IGF2BP2: variants seen among roughly 807,000 people sequenced by gnomAD.
IGF2BP2 encodes the protein insulin-like growth factor 2 mRNA-binding protein 2.
Under a neutral mutation model 75.8 loss-of-function variants are expected in IGF2BP2, and 17 were observed. The ratio of observed to expected loss-of-function variants is 0.22; its 90% confidence interval spans 0.15 to 0.34. IGF2BP2 has a LOEUF of 0.34. IGF2BP2 is among the 10% of genes least tolerant of loss of function. The pLI is 1.00. For missense variants in IGF2BP2, 516 were observed against 772.4 expected (o/e 0.67, Z 3.93); for synonymous variants, 288 against 295.6 (o/e 0.97, Z 0.26).
In IGF2BP2 at chr3:185,643,811, CTGTT is replaced by C. The variant is rs1002554857; in HGVS notation, c.*1716_*1719del. ...TTTTTTTTTTTTTTGTCACAGAACA[CTGTT>C]TGCAGTAGAGGAAACTGGCATTGCA... On this transcript the variant is annotated 3_prime_UTR_variant, in exon 16 of 16. Coordinates refer to ENST00000382199, the MANE Select transcript of IGF2BP2 (RefSeq NM_006548.6). 3.3e-5 allele frequency: 4 copies of C among 122,546 alleles called. No individual in the cohort carries two copies. Among genetic ancestry groups the C allele is most frequent in the African/African-American group, 6.2e-5 (2 of 32,316 alleles). 7.6% of individuals were successfully genotyped at this position (122,546 alleles called of 1,614,324 possible).
At chr3:185,648,684 C>G (rs1714039129) in intron 14 of IGF2BP2, among the ~76,000 whole-genome samples, 1 of 152,120 alleles carries the variant, frequency 6.6e-6, no homozygotes, top group South Asian at 2.1e-4. Flanking sequence ...ATACCTGGGT[C>G]TACAGACCAC....
chr3:185,677,449 C>G (rs1719728059), intron 7 of IGF2BP2, among the ~76,000 whole-genome samples: 1 of 152,052 alleles, frequency 6.6e-6, no homozygotes, highest in South Asian at 2.1e-4. Flanking sequence ...GAACCTCTAG[C>G]TAGGCTGATT....
intron 10 of IGF2BP2, 131 bp from the exon 11 acceptor site, chr3:185,658,540 G>A (rs987261051): frequency 7.4e-6 from 5 of 675,356 alleles, no homozygotes; most frequent in Non-Finnish European, 1.0e-5. Flanking sequence ...GTGTCTACAC[G>A]CCTGTCCCTC....
intron 10 of IGF2BP2, among the ~76,000 whole-genome samples, chr3:185,670,213 T>C (rs1290073229): frequency 1.3e-5 from 2 of 152,342 alleles, no homozygotes; most frequent in East Asian, 1.9e-4. Flanking sequence ...TCTACTATTT[T>C]AGTAAAAATC....
chr3:185,649,833 G>A (rs978389387), intron 13 of IGF2BP2, among the ~76,000 whole-genome samples: 1 of 152,164 alleles, frequency 6.6e-6, no homozygotes, highest in African/African-American at 2.4e-5. Context: ...ATGGGTGAGG[G>A]GATGCAACTC....
intron 10 of IGF2BP2, among the ~76,000 whole-genome samples, chr3:185,671,044 T>A (rs1351791041): frequency 6.6e-6 from 1 of 152,198 alleles, no homozygotes; most frequent in Admixed American, 6.5e-5. Flanking sequence ...TTGTACCTCA[T>A]TGGGCCATTC....
chr3:185,662,029 C>T (rs918945426), intron 10 of IGF2BP2, among the ~76,000 whole-genome samples: 10 of 151,920 alleles, frequency 6.6e-5, no homozygotes, highest in Non-Finnish European at 1.0e-4. Flanking sequence ...CAGGATGTGG[C>T]GGGGGAGGCA....
chr3:185,799,441 A>G (rs1430639546), intron 2 of IGF2BP2, among the ~76,000 whole-genome samples: 2 of 151,848 alleles, frequency 1.3e-5, no homozygotes, highest in Non-Finnish European at 2.9e-5. Context: ...GCCAGTTAGA[A>G]TGGTGATCAT....
intron 2 of IGF2BP2, among the ~76,000 whole-genome samples, chr3:185,809,078 G>C (rs1018517444): frequency 1.3e-5 from 2 of 151,464 alleles, no homozygotes; most frequent in African/African-American, 4.9e-5. Flanking sequence ...TGCAATAAGC[G>C]AATAGCTAGT....
At chr3:185,649,969 G>A (rs1398556979) in intron 13 of IGF2BP2, among the ~76,000 whole-genome samples, 1 of 152,168 alleles carries the variant, frequency 6.6e-6, no homozygotes, top group Non-Finnish European at 1.5e-5. Flanking sequence ...GATGGTGGTG[G>A]TAATGGGATT....
chr3:185,668,502 GAGAGAGATATATATAT>G (rs1560258398), intron 10 of IGF2BP2, among the ~76,000 whole-genome samples: 1 of 126,818 alleles, frequency 7.9e-6, no homozygotes, highest in African/African-American at 3.1e-5. Context: ...GAGAGAGAGA[GAGAGAGATATATATAT>G]ATATATATAT....
intron 2 of IGF2BP2, among the ~76,000 whole-genome samples, chr3:185,744,396 G>A (rs1729964796): frequency 6.6e-6 from 1 of 151,924 alleles, no homozygotes; most frequent in Non-Finnish European, 1.5e-5. Flanking sequence ...CAAAAAAAAA[G>A]AACAAAAGGT....
At chr3:185,664,729 T>G (rs146863170) in intron 10 of IGF2BP2, among the ~76,000 whole-genome samples, 23 of 152,290 alleles carry the variant, frequency 1.5e-4, no homozygotes, top group African/African-American at 5.3e-4. Context: ...CACGAGACTG[T>G]TAAACCACAC....
intron 7 of IGF2BP2, among the ~76,000 whole-genome samples, chr3:185,684,444 G>T (rs554126066): frequency 1.3e-5 from 2 of 149,900 alleles, no homozygotes; most frequent in Non-Finnish European, 3.0e-5. Flanking sequence ...TCGCTCTGTC[G>T]CCCAGGCTGG....
chr3:185,646,988 G>A lies in IGF2BP2; in HGVS notation c.1707+37C>T, dbSNP rs769399005. The A allele has an allele frequency of 2.0e-6, 3 of 1,476,594 alleles. No homozygotes were observed. The East Asian group carries it at 6.8e-5, about 33-fold the overall frequency. The allele number at this position is 1,476,594 out of a possible 1,614,324, so 91.5% of individuals were successfully genotyped here. Reference sequence around the variant, plus strand: ...GCAGCTTAGCAGAGAATTGAAAAGAGACTTGCAGGAGAGACAGGGCCCTCA... The same window carrying A: ...GCAGCTTAGCAGAGAATTGAAAAGAAACTTGCAGGAGAGACAGGGCCCTCA... On this transcript the variant is annotated intron_variant, in intron 15 of 15. Coordinates refer to ENST00000382199, the MANE Select transcript of IGF2BP2 (RefSeq NM_006548.6).
At chr3:185,806,234 A>G (rs1739010428) in intron 2 of IGF2BP2, among the ~76,000 whole-genome samples, 1 of 152,238 alleles carries the variant, frequency 6.6e-6, no homozygotes, top group Non-Finnish European at 1.5e-5. Flanking sequence ...ATATTTCAAG[A>G]TTTTAAACTA....
intron 2 of IGF2BP2, among the ~76,000 whole-genome samples, chr3:185,781,855 T>C (rs1344896044): frequency 6.6e-6 from 1 of 152,060 alleles, no homozygotes; most frequent in African/African-American, 2.4e-5. Context: ...GGTTAGTGGG[T>C]TTGAAGCATC....
chr3:185,804,992 CA>C (rs35121167), intron 2 of IGF2BP2, among the ~76,000 whole-genome samples: 39,623 of 114,440 alleles, frequency 0.35, 5,460 homozygotes, highest in African/African-American at 0.44. Context: ...GACTCCGTCT[CA>C]AAAAAAAAAA....
intron 2 of IGF2BP2, among the ~76,000 whole-genome samples, chr3:185,794,036 CAG>C (rs1737002813): frequency 6.7e-6 from 1 of 149,928 alleles, no homozygotes; most frequent in Non-Finnish European, 1.5e-5. Context: ...AAACTCACTG[CAG>C]TCTCAACCTC....
Sources: gnomAD v4.1 joint callset for allele counts (sites outside exome capture counted in the v4.1 genomes callset) on GRCh38, gnomAD v4.1.1 for gene constraint, MANE v1.5 for transcripts, NCBI Gene and HGNC (gene_info 2026-07-23, HGNC 2026-07-21) for gene names.